Variants in PITPNC1 observed in about 807,000 individuals in gnomAD.
PITPNC1 encodes the protein phosphatidylinositol transfer protein cytoplasmic 1, also known as cytoplasmic phosphatidylinositol transfer protein 1.
PITPNC1 carries 18 observed loss-of-function variants against 44.7 expected under a neutral mutation model. The ratio of observed to expected loss-of-function variants is 0.40; its 90% CI spans 0.28 to 0.60. The LOEUF (loss-of-function observed/expected upper bound fraction) is 0.60, where lower values mean the gene tolerates loss of function less well. Among genes scored for constraint, PITPNC1 ranks in the 20% least tolerant of loss-of-function variants. PITPNC1 has a pLI of 0.39. For missense variants in PITPNC1, 290 were observed against 418.4 expected (o/e 0.69, Z 2.68); for synonymous variants, 141 against 149.6 (o/e 0.94, Z 0.42).
At chr17:67,404,544 A>G (rs2038368697) in intron 1 of PITPNC1, among the ~76,000 whole-genome samples, 1 of 152,232 alleles carries the variant, frequency 6.6e-6, no homozygotes, top group South Asian at 2.1e-4. Flanking sequence ...ACTTCAAGTG[A>G]AAAACTGAGC....
chr17:67,546,075 C>T (rs1241443157), intron 2 of PITPNC1, among the ~76,000 whole-genome samples: 2 of 151,914 alleles, frequency 1.3e-5, no homozygotes, highest in African/African-American at 4.8e-5. Context: ...CGCCTGTAGT[C>T]CCAGCTACTC....
At chr17:67,422,908 T>C (rs926071463) in intron 1 of PITPNC1, among the ~76,000 whole-genome samples, 10 of 152,222 alleles carry the variant, frequency 6.6e-5, no homozygotes, top group Non-Finnish European at 1.3e-4. Flanking sequence ...TGGTGTGATA[T>C]ACACTTAGTA....
At chr17:67,440,804 TC>T (rs766660797) in intron 1 of PITPNC1, among the ~76,000 whole-genome samples, 119 of 151,988 alleles carry the variant, frequency 7.8e-4, no homozygotes, top group Middle Eastern at 3.4e-3. Context: ...CACCTCAGCC[TC>T]CCAAAGTGCT....
chr17:67,606,996 G>C (rs1233511461), intron 5 of PITPNC1, among the ~76,000 whole-genome samples: 1 of 152,176 alleles, frequency 6.6e-6, no homozygotes, highest in Non-Finnish European at 1.5e-5. Context: ...CCGCTCTCCT[G>C]TCCTTGGCTG....
intron 1 of PITPNC1, among the ~76,000 whole-genome samples, chr17:67,495,408 G>T (rs935233717): frequency 2.0e-5 from 3 of 152,018 alleles, no homozygotes; most frequent in Non-Finnish European, 2.9e-5. Flanking sequence ...AGGTTCAGGG[G>T]TACATGTGCA....
chr17:67,575,874 C>CCTTT (rs777390217), intron 4 of PITPNC1, among the ~76,000 whole-genome samples: 191 of 18,556 alleles, frequency 0.01, 10 homozygotes, highest in African/African-American at 0.025. Context: ...TTCTTTCTTT[C>CCTTT]TTTCCTTTTT....
chr17:67,599,453 TG>T, intron 5 of PITPNC1, among the ~76,000 whole-genome samples: 1 of 152,078 alleles, frequency 6.6e-6, no homozygotes, highest in Admixed American at 6.5e-5. Flanking sequence ...GGATGGAACC[TG>T]GGGGAATATT....
At chr17:67,631,642 AAAAAAAAAAAAAAAAAT>A (rs2041970553) in intron 5 of PITPNC1, among the ~76,000 whole-genome samples, 1 of 23,458 alleles carries the variant, frequency 4.3e-5, no homozygotes, top group Non-Finnish European at 9.3e-5. Flanking sequence ...AACCAAAAAA[AAAAAAAAAAAAAAAAAT>A]ATATATATAT....
chr17:67,552,392 C>T, intron 3 of PITPNC1, 47 bp downstream of exon 3: 1 of 945,040 alleles, frequency 1.1e-6, no homozygotes, highest in Non-Finnish European at 1.8e-6. Context: ...AGTGCAAGGA[C>T]ATAGCATAGT....
chr17:67,514,759 G>C (rs1018615509), intron 1 of PITPNC1, among the ~76,000 whole-genome samples: 2 of 152,098 alleles, frequency 1.3e-5, no homozygotes, highest in African/African-American at 4.8e-5. Flanking sequence ...CTGGGAAGTG[G>C]AGGTTGCAGT....
chr17:67,530,013 G>C (rs147378712), intron 1 of PITPNC1, among the ~76,000 whole-genome samples: 79 of 151,522 alleles, frequency 5.2e-4, no homozygotes, highest in African/African-American at 1.8e-3. Context: ...TGAAATCAAA[G>C]TGTCAGCAGG....
chr17:67,542,320 T>G (rs943758346), intron 2 of PITPNC1, among the ~76,000 whole-genome samples: 4 of 152,148 alleles, frequency 2.6e-5, no homozygotes, highest in Admixed American at 6.5e-5. Context: ...TGACAGAATA[T>G]GAATTAATTA....
chr17:67,632,366 T>A, intron 6 of PITPNC1, 128 bp downstream of exon 6: 2 of 646,660 alleles, frequency 3.1e-6, no homozygotes, highest in African/African-American at 3.6e-5. Flanking sequence ...CTTTCGTATC[T>A]TGCTGGTTCT....
At chr17:67,457,941 A>C (rs914255744) in intron 1 of PITPNC1, 2 of 152,184 alleles carry the variant, frequency 1.3e-5, no homozygotes, top group African/African-American at 4.8e-5. Flanking sequence ...CCCAGAGGCC[A>C]TGTCTCAGAT....
chr17:67,410,587 T>C (rs1291970067), intron 1 of PITPNC1, among the ~76,000 whole-genome samples: 2 of 151,940 alleles, frequency 1.3e-5, no homozygotes, highest in African/African-American at 4.8e-5. Context: ...AGTCTCGCTA[T>C]GTTGCCCAGG....
At chr17:67,467,906 G>A (rs985454109) in intron 1 of PITPNC1, among the ~76,000 whole-genome samples, 1 of 152,202 alleles carries the variant, frequency 6.6e-6, no homozygotes, top group African/African-American at 2.4e-5. Flanking sequence ...TAATGTGTCA[G>A]AATTGAGTTG....
At chr17:67,521,396 C>T (rs1397185037) in intron 1 of PITPNC1, among the ~76,000 whole-genome samples, 1 of 152,066 alleles carries the variant, frequency 6.6e-6, no homozygotes, top group Non-Finnish European at 1.5e-5. Context: ...AAGACACCTC[C>T]GAGGGCTGCT....
intron 5 of PITPNC1, among the ~76,000 whole-genome samples, chr17:67,587,314 C>T (rs1200703505): frequency 6.6e-6 from 1 of 151,276 alleles, no homozygotes; most frequent in African/African-American, 2.4e-5. Context: ...TGTTGAGACC[C>T]CCATCTCTAC....
At chr17:67,679,026 C>A (rs911166730) in intron 8 of PITPNC1, among the ~76,000 whole-genome samples, 8 of 152,242 alleles carry the variant, frequency 5.3e-5, no homozygotes, top group Non-Finnish European at 8.8e-5. Context: ...GACTCAGAAA[C>A]TCTGAGGGTC....
Sources: gnomAD v4.1 joint callset for allele counts (sites outside exome capture counted in the v4.1 genomes callset) on GRCh38, gnomAD v4.1.1 for gene constraint, MANE v1.5 for transcripts, NCBI Gene and HGNC (gene_info 2026-07-23, HGNC 2026-07-21) for gene names.